The following MPP7 variants were observed in gnomAD, a reference collection of about 807,000 sequenced individuals.
MPP7 encodes MAGUK p55 scaffold protein 7.
MPP7 carries 60 observed loss-of-function variants against 76.5 expected under a neutral mutation model. The ratio of observed to expected loss-of-function variants is 0.78; its 90% CI spans 0.64 to 0.97. The LOEUF (loss-of-function observed/expected upper bound fraction) is 0.97. Ranked by LOEUF, MPP7 falls within the 50% of genes least tolerant of loss-of-function variation. The pLI is 0.00. For synonymous variants in MPP7, 237 were observed against 244.5 expected, an observed-to-expected ratio of 0.97 and a Z score of 0.29; for missense variants, 641 against 694.0, an observed-to-expected ratio of 0.92 and a Z score of 0.86.
At chr10:28,057,765 C>T in intron 15 of MPP7, 1 of 1,288,436 alleles carries the variant, frequency 7.8e-7, no homozygotes, top group Non-Finnish European at 1.0e-6. Flanking sequence ...CTTTAGAGGT[C>T]CAAAGGGCTT....
At chr10:28,212,919 A>G (rs1472671573) in intron 2 of MPP7, among the ~76,000 whole-genome samples, 2 of 152,118 alleles carry the variant, frequency 1.3e-5, no homozygotes, top group Non-Finnish European at 2.9e-5. Context: ...GAGCAAATAC[A>G]GACAACTCTT....
chr10:28,173,848 A>C (rs1279447623), intron 3 of MPP7, among the ~76,000 whole-genome samples: 1 of 152,236 alleles, frequency 6.6e-6, no homozygotes, highest in African/African-American at 2.4e-5. Flanking sequence ...TGTGAATTAT[A>C]AGACTCAGTA....
intron 3 of MPP7, among the ~76,000 whole-genome samples, chr10:28,175,809 T>G (rs1007826512): frequency 6.6e-6 from 1 of 152,080 alleles, no homozygotes; most frequent in Non-Finnish European, 1.5e-5. Context: ...GCCCTCTCCA[T>G]GGGAGAGCAA....
intron 4 of MPP7, 123 bp from the exon 5 acceptor site, chr10:28,147,686 G>T: frequency 1.2e-6 from 1 of 801,996 alleles, no homozygotes; most frequent in Non-Finnish European, 2.1e-6. Flanking sequence ...GGAGAGGTCA[G>T]CATAAAAGAA....
At chr10:28,288,591 T>A (rs1385391763) in intron 1 of MPP7, among the ~76,000 whole-genome samples, 1 of 152,156 alleles carries the variant, frequency 6.6e-6, no homozygotes, top group East Asian at 1.9e-4. Context: ...TTCCCACTTA[T>A]ATTTCTAATA....
intron 6 of MPP7, among the ~76,000 whole-genome samples, chr10:28,130,581 C>T (rs564016728): frequency 6.6e-6 from 1 of 152,340 alleles, no homozygotes; most frequent in African/African-American, 2.4e-5. Flanking sequence ...ACTTTGCCTA[C>T]TTCTGATTCT....
intron 3 of MPP7, among the ~76,000 whole-genome samples, chr10:28,189,247 T>C (rs1208051066): frequency 6.6e-6 from 1 of 152,112 alleles, no homozygotes; most frequent in Non-Finnish European, 1.5e-5. Flanking sequence ...CTGTACTACC[T>C]GTGAAATGAC....
chr10:28,259,377 G>A (rs527638656), intron 1 of MPP7, among the ~76,000 whole-genome samples: 2 of 151,892 alleles, frequency 1.3e-5, no homozygotes, highest in South Asian at 2.1e-4. Context: ...TCAAGAGTTC[G>A]AGACCAGCCT....
At chr10:28,076,560 G>A (rs184752878) in intron 12 of MPP7, among the ~76,000 whole-genome samples, 1 of 149,266 alleles carries the variant, frequency 6.7e-6, no homozygotes, top group Admixed American at 6.7e-5. Context: ...CACACACACA[G>A]AAGCAAACAC....
intron 1 of MPP7, among the ~76,000 whole-genome samples, chr10:28,247,014 T>C (rs1237462368): frequency 2.0e-5 from 3 of 152,220 alleles, no homozygotes; most frequent in Non-Finnish European, 4.4e-5. Context: ...TGGAGTTATT[T>C]GCTACTGAAA....
chr10:28,242,592 T>C (rs1023415998), intron 1 of MPP7, among the ~76,000 whole-genome samples: 1 of 152,206 alleles, frequency 6.6e-6, no homozygotes, highest in African/African-American at 2.4e-5. Context: ...CCCCTAGTGG[T>C]CTCCAGGACC....
intron 2 of MPP7, among the ~76,000 whole-genome samples, chr10:28,209,852 C>T (rs1442182515): frequency 3.9e-5 from 6 of 152,140 alleles, no homozygotes; most frequent in Non-Finnish European, 8.8e-5. Context: ...TATGTCTGCA[C>T]GGATGTTTCC....
chr10:28,067,609 A>G (rs1852044046), intron 13 of MPP7, among the ~76,000 whole-genome samples: 1 of 152,172 alleles, frequency 6.6e-6, no homozygotes, highest in Admixed American at 6.5e-5. Flanking sequence ...TTTCTGTAAT[A>G]TTGTCAACTT....
Position 28,195,687 on chromosome 10 carries a change from A to G in MPP7, c.156+6466T>C, listed in dbSNP as rs115424332. Among the ~76,000 whole-genome samples, 668 of 152,368 alleles carry G rather than the reference A, an allele frequency of 4.4e-3. 5 individuals are homozygous for G. Among genetic ancestry groups the G allele is most frequent in the African/African-American group, 0.015 (610 of 41,590 alleles). ...TGAAATTTCCAGGATAGGCAAATAC[A>G]TAGAGACAGAAAGTAGACTGGCAGT... On this transcript the variant is annotated intron_variant, in intron 3 of 16. Transcript: ENST00000683449.
chr10:28,164,615 T>C (rs1836382567), intron 3 of MPP7, among the ~76,000 whole-genome samples: 1 of 152,114 alleles, frequency 6.6e-6, no homozygotes, highest in African/African-American at 2.4e-5. Context: ...CTGTGGCCCA[T>C]GGGCCACGTG....
chr10:28,052,345 T>C lies in MPP7; in HGVS notation c.*1720A>G, dbSNP rs1002834504. The C allele has an allele frequency of 1.2e-4, 18 of 152,142 alleles. No individual in the cohort carries two copies. The highest frequency in any genetic ancestry group is 3.3e-4 in the Admixed American group (5 of 15,276). The allele number at this position is 152,142 out of a possible 1,614,324, so 9.4% of individuals were successfully genotyped here. On this transcript the variant is annotated 3_prime_UTR_variant, in exon 17 of 17. Transcript: ENST00000683449. ...TCTTTCATTTTTTAAAAACAAAATT[T>C]TTTGCTATTTAATTAATACACTTAG...
intron 2 of MPP7, among the ~76,000 whole-genome samples, chr10:28,317,762 T>C (rs141279797): frequency 1.1e-3 from 168 of 152,218 alleles, no homozygotes; most frequent in African/African-American, 3.9e-3. Flanking sequence ...ATGGGGTAGG[T>C]CACGATTTCA....
At chr10:28,161,017 A>G (rs1030074764) in intron 3 of MPP7, among the ~76,000 whole-genome samples, 3 of 152,164 alleles carry the variant, frequency 2.0e-5, no homozygotes, top group African/African-American at 7.2e-5. Flanking sequence ...CATGCTTTTC[A>G]TGCTGGCTGA....
chr10:28,289,965 T>C (rs1489463946), intron 1 of MPP7, among the ~76,000 whole-genome samples: 1 of 152,150 alleles, frequency 6.6e-6, no homozygotes, highest in Non-Finnish European at 1.5e-5. Flanking sequence ...ACCATAGGCA[T>C]GTGCCACCAC....
Sources: allele counts gnomAD v4.1 joint callset (sites outside exome capture counted in the v4.1 genomes callset), GRCh38; gene constraint gnomAD v4.1.1; transcripts MANE v1.5; gene names NCBI Gene and HGNC (gene_info 2026-07-23, HGNC 2026-07-21).